Variants in PRDM11 observed in about 807,000 individuals in gnomAD.
PRDM11 encodes the protein PR domain-containing protein 11.
Under a neutral mutation model 97.8 loss-of-function variants are expected in PRDM11, and 20 were observed. The observed-to-expected ratio is 0.20, with a 90% CI of 0.14 to 0.30. The LOEUF (loss-of-function observed/expected upper bound fraction) is 0.30, where lower values mean the gene tolerates loss of function less well. Among genes scored for constraint, PRDM11 ranks in the 10% least tolerant of loss-of-function variants. The pLI, the probability that PRDM11 is intolerant of heterozygous loss-of-function variation, is 1.00. For synonymous variants in PRDM11, 599 were observed against 637.7 expected, an observed-to-expected ratio of 0.94 and a Z score of 0.91; for missense variants, 1,139 against 1,555.2, an observed-to-expected ratio of 0.73 and a Z score of 4.50.
At chr11:45,121,687 C>T (rs1385477214) in intron 1 of PRDM11, among the ~76,000 whole-genome samples, 1 of 152,038 alleles carries the variant, frequency 6.6e-6, no homozygotes, top group Non-Finnish European at 1.5e-5. Flanking sequence ...ATAGACTACA[C>T]AATGGGTCAT....
intron 1 of PRDM11, among the ~76,000 whole-genome samples, chr11:45,158,886 G>A (rs866849785): frequency 2.5e-4 from 38 of 152,192 alleles, no homozygotes; most frequent in Middle Eastern, 6.8e-3. Flanking sequence ...ATCCTCCAAG[G>A]TTGTCCGTGT....
chr11:45,171,860 C>G (rs1852209351), intron 1 of PRDM11, among the ~76,000 whole-genome samples: 1 of 152,176 alleles, frequency 6.6e-6, no homozygotes, highest in Admixed American at 6.5e-5. Context: ...GAGATGGTTC[C>G]CAACACCAGC....
chr11:45,208,832 G>A (rs562897609), intron 5 of PRDM11: 11 of 388,692 alleles, frequency 2.8e-5, no homozygotes, highest in Non-Finnish European at 2.6e-5. Context: ...CTGCATTGAC[G>A]GTCATTTACC....
chr11:45,114,438 A>T (rs1852258237), intron 1 of PRDM11, among the ~76,000 whole-genome samples: 1 of 152,194 alleles, frequency 6.6e-6, no homozygotes, highest in Non-Finnish European at 1.5e-5. Flanking sequence ...GGGTCTCAGA[A>T]ATCTGTAAGA....
upstream of PRDM11, among the ~76,000 whole-genome samples, chr11:45,145,706 C>T (rs760973997): frequency 6.6e-6 from 1 of 152,190 alleles, no homozygotes; most frequent in African/African-American, 2.4e-5. Flanking sequence ...GTAGAGGACG[C>T]CACGAGAAAG....
intron 1 of PRDM11, among the ~76,000 whole-genome samples, chr11:45,103,985 C>T (rs956128957): frequency 6.6e-6 from 1 of 152,072 alleles, no homozygotes; most frequent in African/African-American, 2.4e-5. Context: ...TTGCAATGAC[C>T]CTGTAAGTTG....
At chr11:45,195,296 C>T (rs1853078899) in intron 4 of PRDM11, among the ~76,000 whole-genome samples, 1 of 152,134 alleles carries the variant, frequency 6.6e-6, no homozygotes, top group Non-Finnish European at 1.5e-5. Context: ...GTATGTGCAA[C>T]CATCATCACA....
intron 1 of PRDM11, among the ~76,000 whole-genome samples, chr11:45,161,774 C>G (rs1272621623): frequency 3.9e-5 from 6 of 152,256 alleles, no homozygotes; most frequent in Non-Finnish European, 2.9e-5. Flanking sequence ...TCACACCCCC[C>G]TTTCAGGCTC....
At chr11:45,160,247 G>C (rs1285807701) in intron 1 of PRDM11, among the ~76,000 whole-genome samples, 1 of 152,152 alleles carries the variant, frequency 6.6e-6, no homozygotes, top group Non-Finnish European at 1.5e-5. Context: ...GTAGCCCACT[G>C]GTTCCCAAGG....
intron 1 of PRDM11, among the ~76,000 whole-genome samples, chr11:45,161,644 G>A (rs1445955881): frequency 6.6e-6 from 1 of 152,254 alleles, no homozygotes; most frequent in Non-Finnish European, 1.5e-5. Context: ...GAGAGTCCCG[G>A]GACGGCTCTG....
intron 1 of PRDM11, among the ~76,000 whole-genome samples, chr11:45,141,457 C>T (rs1851402939): frequency 1.3e-5 from 2 of 152,206 alleles, no homozygotes; most frequent in South Asian, 4.1e-4. Flanking sequence ...TTACTGTCTT[C>T]AGCTGCTAAG....
At chr11:45,147,986 A>T (rs1169203707) in intron 1 of PRDM11, among the ~76,000 whole-genome samples, 1 of 152,146 alleles carries the variant, frequency 6.6e-6, no homozygotes, top group Non-Finnish European at 1.5e-5. Context: ...GTGGAGCATG[A>T]TGCCTGTAGC....
At chr11:45,183,183 CA>C in intron 4 of PRDM11, 60 bp downstream of exon 4, 1 of 1,547,012 alleles carries the variant, frequency 6.5e-7, no homozygotes, top group South Asian at 1.3e-5. Context: ...AGGAAACCAC[CA>C]GGGGGAGCCA....
chr11:45,107,957 G>A (rs1034464475), intron 1 of PRDM11, among the ~76,000 whole-genome samples: 1 of 151,698 alleles, frequency 6.6e-6, no homozygotes, highest in African/African-American at 2.4e-5. Flanking sequence ...AGCCTCCCAA[G>A]TAGCTGGGAC....
chr11:45,208,093 CT>C (rs1853579986), intron 5 of PRDM11, among the ~76,000 whole-genome samples: 1 of 152,198 alleles, frequency 6.6e-6, no homozygotes, highest in Admixed American at 6.5e-5. Flanking sequence ...CCAGGTCCCC[CT>C]GGTGTCCACC....
intron 1 of PRDM11, among the ~76,000 whole-genome samples, chr11:45,098,086 A>G (rs554039510): frequency 2.0e-5 from 3 of 152,348 alleles, no homozygotes; most frequent in African/African-American, 7.2e-5. Context: ...CTTCAGCACC[A>G]TGGACAGTGC....
chr11:45,231,913 C>G lies in PRDM11; in HGVS notation c.*3754C>G, dbSNP rs1854405556. 1 of 152,000 alleles carries G rather than the reference C, an allele frequency of 6.6e-6. No individual in the cohort carries two copies. The highest frequency in any genetic ancestry group is 2.1e-4 in the South Asian group (1 of 4,812). 9.4% of individuals were successfully genotyped at this position (152,000 alleles called of 1,614,324 possible). On this transcript the variant is annotated 3_prime_UTR_variant, in exon 8 of 8. Coordinates refer to ENST00000683152, the MANE Select transcript of PRDM11 (RefSeq NM_001384648.1). The stretch of plus-strand genomic sequence containing the variant: ...TGATGCTAGGCACATCCTCATTTCC[C>G]CATCCTCACTTGGGACTGAGAGCAG...
rs761381415 is a variant in PRDM11 at position 45,225,991 on chromosome 11, T to C, written c.1370-4T>C. The C allele has an allele frequency of 6.8e-7, 1 of 1,476,800 alleles. No individual in the cohort carries two copies. The highest frequency in any genetic ancestry group is 1.3e-5 in the South Asian group (1 of 76,108). The allele number at this position is 1,476,800 out of a possible 1,614,324, so 91.5% of individuals were successfully genotyped here. On this transcript the variant is annotated splice_region_variant and splice_polypyrimidine_tract_variant and intron_variant, in intron 7 of 7. Coordinates refer to ENST00000683152, the MANE Select transcript of PRDM11 (RefSeq NM_001384648.1). ...TAAATGTTTCTTTCCCATTTGTTTT[T>C]CAGCCTCAGAAAGCATGGTCTCCGG...
intron 5 of PRDM11, among the ~76,000 whole-genome samples, chr11:45,208,245 G>A (rs528432062): frequency 1.8e-4 from 28 of 152,218 alleles, no homozygotes; most frequent in Non-Finnish European, 3.7e-4. Flanking sequence ...GGGGCTTGGA[G>A]AACTGACCGG....
Sources: gnomAD v4.1 joint callset for allele counts (sites outside exome capture counted in the v4.1 genomes callset) on GRCh38, gnomAD v4.1.1 for gene constraint, MANE v1.5 for transcripts, NCBI Gene and HGNC (gene_info 2026-07-23, HGNC 2026-07-21) for gene names.